The following LMOD1 variants were observed in gnomAD, a reference collection of about 807,000 sequenced individuals.
LMOD1 encodes leiomodin-1.
LMOD1 carries 8 observed loss-of-function variants against 36.5 expected under a neutral mutation model. The observed-to-expected ratio is 0.22, with a 90% CI of 0.13 to 0.40. The LOEUF is 0.40. Ranked by LOEUF, LMOD1 falls within the 10% of genes least tolerant of loss-of-function variation. LMOD1 has a pLI of 1.00. For synonymous variants in LMOD1, 284 were observed against 288.7 expected (o/e 0.98, Z 0.17); for missense variants, 630 against 751.1 (o/e 0.84, Z 1.88).
In LMOD1 at chr1:201,899,894, G is replaced by C; in HGVS notation, c.1119C>G (p.Asp373Glu). Residue 373 changes from aspartate (D) to glutamate (E), a missense_variant, in exon 2 of 3, where the codon GAC becomes GAG. Physicochemically the swap from Asp to Glu is conservative, Grantham distance 45 (BLOSUM62 2). Around this residue, in one of 3 missense-constraint regions of LMOD1, gnomAD observed 81 missense variants for 180.6 expected, o/e 0.45. Coordinates refer to ENST00000367288, the MANE Select transcript of LMOD1 (RefSeq NM_012134.3). This position sits in a 1 kb window ranked among gnomAD's most constrained non-coding sequence, Gnocchi z 6.3. ...TGATGGCAATGGCAAAGGCCACGTG[G>C]TCATCGGCTCGCGTGTTGGCCAAGG... ...LFALANTRAD[D>E]HVAFAIAIML... 6.2e-7 allele frequency: 1 copy of C among 1,614,040 alleles called. No individual in the cohort carries two copies. The highest frequency in any genetic ancestry group is 8.5e-7 in the Non-Finnish European group (1 of 1,179,890).
Position 201,903,861 on chromosome 1 carries a change from C to T in LMOD1, c.262-3110G>A, listed in dbSNP as rs149658355. On this transcript the variant is annotated intron_variant, in intron 1 of 2. Transcript: ENST00000367288. ...ATAGCTTCCCTTTCCAGAGTTCCCACGCCACTTGTAGGCTTCACTCAGAGA... is the reference window on the plus strand; with the variant it reads ...ATAGCTTCCCTTTCCAGAGTTCCCATGCCACTTGTAGGCTTCACTCAGAGA... Among the ~76,000 whole-genome samples, 28 of 152,332 alleles carry T rather than the reference C, an allele frequency of 1.8e-4. 2 individuals carry two copies. The highest frequency in any genetic ancestry group is 5.8e-4 in the African/African-American group (24 of 41,566).
At chr1:201,940,883 G>T (rs1171359520) in intron 1 of LMOD1, among the ~76,000 whole-genome samples, 1 of 151,852 alleles carries the variant, frequency 6.6e-6, no homozygotes, top group African/African-American at 2.4e-5. Context: ...CTAGTAGCTG[G>T]GATTACAGAC....
chr1:201,931,900 C>CAA (rs57007266), intron 1 of LMOD1, among the ~76,000 whole-genome samples: 9 of 149,358 alleles, frequency 6.0e-5, no homozygotes, highest in African/African-American at 1.7e-4. Flanking sequence ...GACCCTGTAT[C>CAA]AAAAAAAAAC....
intron 1 of LMOD1, among the ~76,000 whole-genome samples, chr1:201,933,789 A>G (rs1035486872): frequency 3.3e-5 from 5 of 151,904 alleles, no homozygotes; most frequent in Admixed American, 2.0e-4. Context: ...AATATTTTAT[A>G]TTCCAATAAA....
At chr1:201,913,183 A>G (rs1267803811) in intron 1 of LMOD1, among the ~76,000 whole-genome samples, 4 of 152,216 alleles carry the variant, frequency 2.6e-5, no homozygotes, top group Admixed American at 6.5e-5. Context: ...AGGACTGAGC[A>G]GCTGGAAAGA....
intron 1 of LMOD1, among the ~76,000 whole-genome samples, chr1:201,924,552 G>A (rs1398978313): frequency 8.3e-6 from 1 of 119,962 alleles, no homozygotes. Flanking sequence ...AAGGAAGCAA[G>A]GAAGGAGGGA....
Position 201,898,145 on chromosome 1 carries a change from C to T in LMOD1, c.*227G>A, listed in dbSNP as rs1681224332. On this transcript the variant is annotated 3_prime_UTR_variant, in exon 3 of 3. Transcript: ENST00000367288. ...GACTCTTCTTGTCCAGAAACCTGAG[C>T]TCCATGTACTAAAGCAAAATTTGGA... 3.4e-6 allele frequency: 2 copies of T among 587,838 alleles called. No homozygotes were observed. Among genetic ancestry groups the T allele is most frequent in the South Asian group, 2.1e-5 (1 of 48,458 alleles). The allele number at this position is 587,838 out of a possible 1,614,324, so 36.4% of individuals were successfully genotyped here.
intron 1 of LMOD1, among the ~76,000 whole-genome samples, chr1:201,922,521 G>T (rs1681722788): frequency 6.6e-6 from 1 of 152,116 alleles, no homozygotes; most frequent in African/African-American, 2.4e-5. Flanking sequence ...AAAATGTCCA[G>T]AATAGGCAAA....
Position 201,946,375 on chromosome 1 carries a change from C to CA in LMOD1, c.-36dup, listed in dbSNP as rs1468297694. The CA allele has an allele frequency of 1.9e-6, 3 of 1,604,766 alleles. No homozygotes were observed. The highest frequency in any genetic ancestry group is 2.7e-5 in the African/African-American group (2 of 74,810). On this transcript the variant is annotated 5_prime_UTR_variant, in exon 1 of 3. Transcript: ENST00000367288. ...ATGGGCTGTGGCTGCCAGGGGCTAT[C>CA]AGAGTCCTGGTGGGCAGGGAAGGGA...
chr1:201,928,448 C>T (rs926821818), intron 1 of LMOD1, among the ~76,000 whole-genome samples: 1 of 152,164 alleles, frequency 6.6e-6, no homozygotes, highest in African/African-American at 2.4e-5. Flanking sequence ...CAGATAACTT[C>T]CAGGCCATCA....
chr1:201,931,606 C>T (rs1342823213), intron 1 of LMOD1, among the ~76,000 whole-genome samples: 1 of 149,700 alleles, frequency 6.7e-6, no homozygotes, highest in African/African-American at 2.5e-5. Flanking sequence ...AACTTGCATA[C>T]ATGGATGCTT....
At chr1:201,945,552 T>C (rs1682196347) in intron 1 of LMOD1, among the ~76,000 whole-genome samples, 1 of 152,160 alleles carries the variant, frequency 6.6e-6, no homozygotes, top group African/African-American at 2.4e-5. Flanking sequence ...TGTCTCCCTT[T>C]GCTTTGGGAA....
chr1:201,909,180 G>T (rs1277115818), intron 1 of LMOD1, among the ~76,000 whole-genome samples: 3 of 152,148 alleles, frequency 2.0e-5, no homozygotes, highest in Non-Finnish European at 4.4e-5. Flanking sequence ...TTCCCACCCT[G>T]CCTGACCTCT....
chr1:201,901,511 A>AAT (rs1553295627), intron 1 of LMOD1, among the ~76,000 whole-genome samples: 1,651 of 74,780 alleles, frequency 0.022, 67 homozygotes, highest in South Asian at 0.042. Flanking sequence ...TCAAAAAAAA[A>AAT]ATATATATAT....
intron 1 of LMOD1, among the ~76,000 whole-genome samples, chr1:201,923,988 AAGAAAAGAAAGAAAG>A (rs1161505635): frequency 1.3e-5 from 2 of 151,238 alleles, no homozygotes; most frequent in Admixed American, 1.3e-4. Flanking sequence ...AAGAAAGAAA[AAGAAAAGAAAGAAAG>A]AGAAAAGAAA....
rs1431532828 is a variant in LMOD1 at position 201,899,581 on chromosome 1, G to A, written c.1432C>T (p.Arg478Trp). ...SRNMDKQRQK[R>W]LQEQRQAQEA... ...TGTGCCTGCCTTTGCTCCTGCAGCC[G>A]CTTTTGTCTCTGCTTGTCCATGTTG... is the stretch of plus-strand genomic sequence containing the variant. Residue 478 changes from arginine (R) to tryptophan (W), a missense_variant, in exon 2 of 3, where the codon CGG becomes TGG. Coordinates refer to ENST00000367288, the MANE Select transcript of LMOD1 (RefSeq NM_012134.3). The surrounding 1 kb of genome is among the most constrained non-coding windows in gnomAD (Gnocchi z 6.3). The A allele has an allele frequency of 6.2e-7, 1 of 1,612,818 alleles. No individual in the cohort carries two copies. Among genetic ancestry groups the A allele is most frequent in the Non-Finnish European group, 8.5e-7 (1 of 1,179,406 alleles).
rs1337193793 is a variant in LMOD1 at position 201,897,074 on chromosome 1, A to G, written c.*1298T>C. 1 of 274,840 alleles carries G rather than the reference A, an allele frequency of 3.6e-6. No homozygotes were observed. The highest frequency in any genetic ancestry group is 7.3e-6 in the Non-Finnish European group (1 of 137,400). 17.0% of individuals were successfully genotyped at this position (274,840 alleles called of 1,614,324 possible). A position where few individuals can be genotyped will look rare whatever the true frequency, so the allele number is the denominator to read the frequency against. ...CTTTCACCTACACCCGATGGTGGGCATGGCAGCATTGTCAGCATTCCTGCA... is the reference window on the plus strand; with the variant it reads ...CTTTCACCTACACCCGATGGTGGGCGTGGCAGCATTGTCAGCATTCCTGCA... On this transcript the variant is annotated 3_prime_UTR_variant, in exon 3 of 3. Coordinates refer to ENST00000367288, the MANE Select transcript of LMOD1 (RefSeq NM_012134.3).
intron 1 of LMOD1, among the ~76,000 whole-genome samples, chr1:201,929,066 G>C (rs1269608372): frequency 6.6e-6 from 1 of 150,786 alleles, no homozygotes; most frequent in Admixed American, 6.6e-5. Context: ...GTGGCCCCAG[G>C]GATCATAGGT....
Position 201,943,018 on chromosome 1 carries a change from G to A in LMOD1, c.261+3062C>T, listed in dbSNP as rs1386932353. On this transcript the variant is annotated intron_variant, in intron 1 of 2. Transcript: ENST00000367288. ...ATTTACTTTCCCTAATCCACACTTAGTTTTTCTAGTTATGTTCCTACTCAT... is the reference window on the plus strand; with the variant it reads ...ATTTACTTTCCCTAATCCACACTTAATTTTTCTAGTTATGTTCCTACTCAT... Among the ~76,000 whole-genome samples, 3 of 152,292 alleles carry A rather than the reference G, an allele frequency of 2.0e-5. 1 individual carries two copies. In the East Asian group the frequency reaches 5.8e-4, roughly 29 times the overall value.
Sources: gnomAD v4.1 joint callset for allele counts (sites outside exome capture counted in the v4.1 genomes callset) on GRCh38, gnomAD v4.1.1 for gene constraint, gnomAD v4.1.1 regional missense constraint, Gnocchi (gnomAD v3.1) non-coding constraint, MANE v1.5 for transcripts, NCBI Gene and HGNC (gene_info 2026-07-23, HGNC 2026-07-21) for gene names.